The following GK5 variants were observed in gnomAD, a reference collection of about 807,000 sequenced individuals.
GK5 encodes the protein glycerol kinase 5, also known as ATP:glycerol 3-phosphotransferase 5.
GK5 carries 39 observed loss-of-function variants against 77.3 expected under a neutral mutation model. That is an observed-to-expected ratio of 0.50 (90% CI 0.39 to 0.66). The LOEUF (loss-of-function observed/expected upper bound fraction) is 0.66. GK5 is among the 30% of genes least tolerant of loss of function. GK5 has a pLI of 0.00. For synonymous variants in GK5, 211 were observed against 208.0 expected, an observed-to-expected ratio of 1.01 and a Z score of -0.13; for missense variants, 487 against 633.8, an observed-to-expected ratio of 0.77 and a Z score of 2.49.
intron 10 of GK5, among the ~76,000 whole-genome samples, chr3:142,182,035 T>C (rs1577116031): frequency 6.6e-6 from 1 of 152,324 alleles, no homozygotes; most frequent in East Asian, 1.9e-4. Context: ...CTAATAGAAT[T>C]ATCAACATTT....
At chr3:142,170,223 G>T (rs1361252550) in intron 15 of GK5, 102 bp downstream of exon 15, 2 of 1,226,736 alleles carry the variant, frequency 1.6e-6, no homozygotes, top group African/African-American at 3.0e-5. Context: ...TGGACGCCAA[G>T]GCTTTCCAGA....
rs560006577 is a variant in GK5 at position 142,189,909 on chromosome 3, AATATAAT to A, written c.544-2137_544-2131del. Among the ~76,000 whole-genome samples the A allele has an allele frequency of 1.4e-3, 210 of 152,308 alleles. 1 individual carries two copies. The highest frequency in any genetic ancestry group is 4.9e-3 in the African/African-American group (203 of 41,572). ...CTCAAATTCTACACAGAATTTTACA[AATATAAT>A]ATCAAGGTCACATATATACACATAT... is the stretch of plus-strand genomic sequence containing the variant. On this transcript the variant is annotated intron_variant, in intron 5 of 15. Transcript: ENST00000392993.
At chr3:142,182,412 T>G (rs2063709465) in intron 10 of GK5, among the ~76,000 whole-genome samples, 1 of 152,070 alleles carries the variant, frequency 6.6e-6, no homozygotes, top group East Asian at 1.9e-4. Flanking sequence ...TGGCGCGATC[T>G]TGGCTCACTG....
intron 12 of GK5, chr3:142,173,200 A>T (rs1279837911): frequency 1.9e-5 from 2 of 105,480 alleles, no homozygotes; most frequent in Non-Finnish European, 3.8e-5. Context: ...GACAGGGTCT[A>T]AAAAAAAAAA....
rs2064264139 is a variant in GK5 at position 142,215,598 on chromosome 3, C to T, written c.241+1G>A. ...ATTGTTATTTTTATAAATCCAATTA[C>T]CTTTGACTGCTTCTTTTATTACGGC... On this transcript the variant is annotated splice_donor_variant, in intron 2 of 15. Transcript: ENST00000392993. LOFTEE classifies it high-confidence loss of function. 6.7e-7 allele frequency: 1 copy of T among 1,484,900 alleles called. No individual in the cohort carries two copies. The allele number at this position is 1,484,900 out of a possible 1,614,324, so 92.0% of individuals were successfully genotyped here.
Position 142,221,115 on chromosome 3 carries a change from T to C in GK5, c.147+4194A>G, listed in dbSNP as rs113887272. 4.0e-3 allele frequency among the ~76,000 whole-genome samples: 607 copies of C among 151,824 alleles called. 3 individuals carry two copies. The highest frequency in any genetic ancestry group is 7.1e-3 in the Non-Finnish European group (483 of 67,894). ...AACATGTAGTATGAAAAGGCCAAAA[T>C]AAAGAAAAAAGGAACTCTGAGGATA... is the stretch of plus-strand genomic sequence containing the variant. On this transcript the variant is annotated intron_variant, in intron 1 of 15. Transcript: ENST00000392993.
chr3:142,180,176 C>G (rs1301348889), intron 11 of GK5, among the ~76,000 whole-genome samples: 1 of 152,160 alleles, frequency 6.6e-6, no homozygotes. Context: ...TCCCGTGCGC[C>G]CACTCCCCTT....
rs1170491388 is a variant in GK5, at chr3:142,225,107, C to A, written c.147+202G>T. On this transcript the variant is annotated intron_variant, in intron 1 of 15. Coordinates refer to ENST00000392993, the MANE Select transcript of GK5 (RefSeq NM_001039547.3). ...ACCCTCAGCCTGGACAGGAAGGGCG[C>A]GCGGGATTCAGCCCAGACGAGGGAG... 2.0e-5 allele frequency among the ~76,000 whole-genome samples: 3 copies of A among 152,182 alleles called. No homozygotes were observed. In the East Asian group the frequency reaches 5.8e-4, roughly 29 times the overall value.
intron 11 of GK5, among the ~76,000 whole-genome samples, chr3:142,178,639 T>C (rs2063653997): frequency 6.6e-6 from 1 of 152,268 alleles, no homozygotes; most frequent in South Asian, 2.1e-4. Context: ...ATTATGTGAC[T>C]ATAGACAATT....
At chr3:142,188,920 C>A (rs1401105028) in intron 5 of GK5, among the ~76,000 whole-genome samples, 1 of 152,154 alleles carries the variant, frequency 6.6e-6, no homozygotes, top group East Asian at 1.9e-4. Flanking sequence ...AACTGAAATG[C>A]CTGTTAGGGT....
chr3:142,219,104 T>C (rs928891003), intron 1 of GK5, among the ~76,000 whole-genome samples: 2 of 152,220 alleles, frequency 1.3e-5, no homozygotes, highest in South Asian at 2.1e-4. Flanking sequence ...CTCTGATACA[T>C]TGTTGATGAG....
In GK5 at chr3:142,170,345, G is replaced by A. The variant is rs760756194; in HGVS notation, c.1421C>T (p.Ser474Phe). ...CATACCAACAGCAAGGCCAGCTAGA[G>A]AAGCTGCACCCAGGCATGACATGTC... ...DIDMSCLGAA[S>F]LAGLAVGFWT... Residue 474 changes from serine (S) to phenylalanine (F), a missense_variant, in exon 15 of 16, where the codon TCT becomes TTT. Physicochemically the swap from Ser to Phe is radical, Grantham distance 155. This residue lies in a region of GK5 where 65 missense variants were observed against 89.9 expected (regional missense o/e 0.72). Coordinates refer to ENST00000392993, the MANE Select transcript of GK5 (RefSeq NM_001039547.3). 1.2e-6 allele frequency: 2 copies of A among 1,614,092 alleles called. No individual in the cohort carries two copies. The highest frequency in any genetic ancestry group is 1.7e-5 in the Admixed American group (1 of 60,018).
intron 5 of GK5, among the ~76,000 whole-genome samples, chr3:142,190,239 T>C (rs2063829795): frequency 6.6e-6 from 1 of 152,138 alleles, no homozygotes; most frequent in African/African-American, 2.4e-5. Flanking sequence ...ATGGAAAATA[T>C]GTAAGATAGG....
At chr3:142,180,592 G>A (rs909338921) in intron 11 of GK5, among the ~76,000 whole-genome samples, 2 of 152,072 alleles carry the variant, frequency 1.3e-5, no homozygotes, top group Admixed American at 1.3e-4. Flanking sequence ...GTGAGCCACC[G>A]CGCCCAGCCT....
At chr3:142,206,526 A>T (rs2064109865) in intron 3 of GK5, among the ~76,000 whole-genome samples, 1 of 152,186 alleles carries the variant, frequency 6.6e-6, no homozygotes, top group South Asian at 2.1e-4. Context: ...GACATTGAGC[A>T]TCTTTGTGTG....
At chr3:142,223,623 G>A (rs1173220938) in intron 1 of GK5, among the ~76,000 whole-genome samples, 1 of 152,238 alleles carries the variant, frequency 6.6e-6, no homozygotes, top group East Asian at 1.9e-4. Context: ...CGGTTCACCT[G>A]AGGTCAAGAG....
rs980023282 is a variant in GK5, at chr3:142,161,799, T to C, written c.*3823A>G. 1 of 152,052 alleles carries C rather than the reference T, an allele frequency of 6.6e-6. No homozygotes were observed. The highest frequency in any genetic ancestry group is 1.9e-4 in the East Asian group (1 of 5,146). 9.4% of individuals were successfully genotyped at this position (152,052 alleles called of 1,614,324 possible). On this transcript the variant is annotated 3_prime_UTR_variant, in exon 16 of 16. Coordinates refer to ENST00000392993, the MANE Select transcript of GK5 (RefSeq NM_001039547.3). ...AATTACAGCATGAGATATTGATTGA[T>C]TGATTGATTGATTGATTGAGACAGG... is the stretch of plus-strand genomic sequence containing the variant.
chr3:142,215,807 AT>A, intron 1 of GK5, 115 bp from the exon 2 acceptor site: 1 of 577,208 alleles, frequency 1.7e-6, no homozygotes, highest in Non-Finnish European at 3.1e-6. Flanking sequence ...TATCTAATTA[AT>A]TTTTATTGTT....
intron 6 of GK5, 113 bp from the exon 7 acceptor site, chr3:142,186,626 T>TTTTA: frequency 2.1e-6 from 1 of 476,416 alleles, no homozygotes; most frequent in Non-Finnish European, 3.6e-6. Flanking sequence ...AAAATGTGTA[T>TTTTA]TTTCTTTTTT....
Sources: gnomAD v4.1 joint callset for allele counts (sites outside exome capture counted in the v4.1 genomes callset) on GRCh38, gnomAD v4.1.1 for gene constraint, gnomAD v4.1.1 regional missense constraint, MANE v1.5 for transcripts, NCBI Gene and HGNC (gene_info 2026-07-23, HGNC 2026-07-21) for gene names.